Variants in CTNNA2 observed in about 807,000 individuals in gnomAD.
CTNNA2 encodes catenin alpha 2.
Under a neutral mutation model 101.0 loss-of-function variants are expected in CTNNA2, and 42 were observed. That is an observed-to-expected ratio of 0.42 (90% CI 0.32 to 0.54). The LOEUF is 0.54. Ranked by LOEUF, CTNNA2 falls within the 20% of genes least tolerant of loss-of-function variation. The pLI is 0.14. For missense variants in CTNNA2, 871 were observed against 1,223.1 expected, an observed-to-expected ratio of 0.71 and a Z score of 4.29; for synonymous variants, 450 against 456.4, an observed-to-expected ratio of 0.99 and a Z score of 0.18.
intron 1 of CTNNA2, among the ~76,000 whole-genome samples, chr2:79,596,454 A>G (rs1179558439): frequency 1.3e-5 from 2 of 152,140 alleles, no homozygotes; most frequent in Non-Finnish European, 2.9e-5. Context: ...TGTATAAGAG[A>G]ATATTGGGAA....
chr2:79,608,197 A>G (rs1678025350), intron 1 of CTNNA2, among the ~76,000 whole-genome samples: 2 of 152,042 alleles, frequency 1.3e-5, no homozygotes, highest in African/African-American at 4.8e-5. Context: ...AAGGTCACAG[A>G]CTACCAAAGC....
At chr2:79,216,643 TG>T (rs1324072496) in intron 2 of CTNNA2, among the ~76,000 whole-genome samples, 54 of 127,242 alleles carry the variant, frequency 4.2e-4, no homozygotes, top group African/African-American at 1.5e-3. Context: ...GAGAAGGGGT[TG>T]GGGGGTTCTT....
chr2:80,635,045 G>T (rs1196456203), intron 18 of CTNNA2, among the ~76,000 whole-genome samples: 1 of 152,128 alleles, frequency 6.6e-6, no homozygotes, highest in East Asian at 1.9e-4. Context: ...GGTGGTCTTT[G>T]TGAAGATAAC....
At chr2:79,255,301 C>T (rs1234636536) in intron 2 of CTNNA2, among the ~76,000 whole-genome samples, 2 of 152,148 alleles carry the variant, frequency 1.3e-5, no homozygotes, top group Non-Finnish European at 2.9e-5. Context: ...GCTAATTATT[C>T]TTTCCAACCA....
intron 1 of CTNNA2, among the ~76,000 whole-genome samples, chr2:79,606,624 A>G (rs149571129): frequency 1.3e-5 from 2 of 152,324 alleles, no homozygotes; most frequent in East Asian, 3.9e-4. Flanking sequence ...TATTAAATAT[A>G]TAAAAGTAAA....
intron 8 of CTNNA2, among the ~76,000 whole-genome samples, chr2:80,393,863 G>A (rs752426141): frequency 1.7e-4 from 26 of 152,128 alleles, no homozygotes; most frequent in Non-Finnish European, 2.6e-4. Context: ...AGAAATCTCC[G>A]GTCAGGGCCC....
chr2:79,649,914 A>G (rs1056074012), intron 1 of CTNNA2, among the ~76,000 whole-genome samples: 1 of 152,110 alleles, frequency 6.6e-6, no homozygotes, highest in African/African-American at 2.4e-5. Flanking sequence ...ACTAGTGCCT[A>G]TTGTGATAGG....
At chr2:80,135,397 C>T (rs1702636784) in intron 7 of CTNNA2, among the ~76,000 whole-genome samples, 2 of 152,184 alleles carry the variant, frequency 1.3e-5, no homozygotes, top group Admixed American at 6.5e-5. Flanking sequence ...GAGATACAGC[C>T]TCTTCCTTCT....
At chr2:79,214,494 G>A (rs1390534398) in intron 2 of CTNNA2, among the ~76,000 whole-genome samples, 1 of 152,178 alleles carries the variant, frequency 6.6e-6, no homozygotes, top group East Asian at 1.9e-4. Context: ...GGCTTTAAAA[G>A]GCCATGCTAT....
chr2:79,221,314 A>G (rs752443916), intron 2 of CTNNA2, among the ~76,000 whole-genome samples: 1 of 152,044 alleles, frequency 6.6e-6, no homozygotes, highest in Admixed American at 6.6e-5. Flanking sequence ...TGCCTTCCTA[A>G]ATTATTTTTG....
chr2:80,153,279 C>T (rs1356650698), intron 7 of CTNNA2, among the ~76,000 whole-genome samples: 2 of 152,186 alleles, frequency 1.3e-5, no homozygotes, highest in Admixed American at 6.5e-5. Flanking sequence ...ATCCTGGGAG[C>T]AGCCTATGGT....
intron 3 of CTNNA2, among the ~76,000 whole-genome samples, chr2:79,314,290 G>A (rs1438665748): frequency 6.6e-6 from 1 of 152,144 alleles, no homozygotes; most frequent in African/African-American, 2.4e-5. Flanking sequence ...GAAGTAGAAG[G>A]TATCTCATAG....
chr2:80,478,122 A>G (rs1483261227), intron 9 of CTNNA2, among the ~76,000 whole-genome samples: 1 of 152,128 alleles, frequency 6.6e-6, no homozygotes, highest in Non-Finnish European at 1.5e-5. Flanking sequence ...TATAGTTTTA[A>G]TTAGCATTTT....
chr2:79,246,480 A>T (rs1674701362), intron 2 of CTNNA2, among the ~76,000 whole-genome samples: 1 of 152,216 alleles, frequency 6.6e-6, no homozygotes. Flanking sequence ...CTGTCATGCA[A>T]GTCCACAGGA....
chr2:79,898,117 A>G (rs941389525), intron 6 of CTNNA2, among the ~76,000 whole-genome samples: 7 of 151,868 alleles, frequency 4.6e-5, no homozygotes, highest in Non-Finnish European at 8.8e-5. Context: ...CTTAGATTAT[A>G]TATATGGTTT....
At chr2:79,894,267 G>T (rs1574250528) in intron 6 of CTNNA2, among the ~76,000 whole-genome samples, 1 of 151,798 alleles carries the variant, frequency 6.6e-6, no homozygotes, top group Non-Finnish European at 1.5e-5. Flanking sequence ...ATGAACACTG[G>T]CTAATCAGGC....
intron 1 of CTNNA2, among the ~76,000 whole-genome samples, chr2:79,527,474 C>CAAAAAAAAAA (rs58822666): frequency 1.0e-3 from 85 of 84,410 alleles, no homozygotes; most frequent in Middle Eastern, 6.6e-3. Context: ...ACTAAAAATA[C>CAAAAAAAAAA]AAAAAAAAAA....
chr2:80,640,091 T>C (rs996538820), intron 18 of CTNNA2, among the ~76,000 whole-genome samples: 3 of 151,420 alleles, frequency 2.0e-5, no homozygotes, highest in Non-Finnish European at 2.9e-5. Context: ...GACAGCGAGA[T>C]AACATCTCAA....
intron 7 of CTNNA2, among the ~76,000 whole-genome samples, chr2:80,175,490 C>G (rs1705334027): frequency 6.6e-6 from 1 of 152,090 alleles, no homozygotes. Flanking sequence ...AAATTTCTTG[C>G]TGAAATTTAC....
Sources: gnomAD v4.1 joint callset for allele counts (sites outside exome capture counted in the v4.1 genomes callset) on GRCh38, gnomAD v4.1.1 for gene constraint, MANE v1.5 for transcripts, NCBI Gene and HGNC (gene_info 2026-07-23, HGNC 2026-07-21) for gene names.